The following ARHGAP35 variants were observed in gnomAD, a reference collection of about 807,000 sequenced individuals.
The protein encoded by ARHGAP35 is rho GTPase-activating protein 35.
Under a neutral mutation model 111.1 loss-of-function variants are expected in ARHGAP35, and 15 were observed. The observed-to-expected ratio is 0.13, with a 90% CI of 0.09 to 0.21. The LOEUF is 0.21. Among genes scored for constraint, ARHGAP35 ranks in the 10% least tolerant of loss-of-function variants. The pLI is 1.00. For synonymous variants in ARHGAP35, 643 were observed against 710.3 expected (o/e 0.91, Z 1.51); for missense variants, 1,262 against 1,873.0 (o/e 0.67, Z 6.02).
Position 47,000,948 on chromosome 19 carries a change from C to A in ARHGAP35, c.*260C>A. Reference sequence around the variant, plus strand: ...AGGCAGGCAATGGCTCCAGTGCCCTCCCTCTGTTCCCTGGACCACCACCCC... The same window carrying A: ...AGGCAGGCAATGGCTCCAGTGCCCTACCTCTGTTCCCTGGACCACCACCCC... On this transcript the variant is annotated 3_prime_UTR_variant, in exon 7 of 7. Coordinates refer to ENST00000672722, the MANE Select transcript of ARHGAP35 (RefSeq NM_004491.5). The surrounding 1 kb of genome is among the most constrained non-coding windows in gnomAD (Gnocchi z 6.9). The A allele has an allele frequency of 6.6e-7, 1 of 1,520,868 alleles. No individual in the cohort carries two copies. 94.2% of individuals were successfully genotyped at this position (1,520,868 alleles called of 1,614,324 possible).
chr19:46,953,573 G>A (rs530322964), intron 3 of ARHGAP35, among the ~76,000 whole-genome samples: 4 of 152,278 alleles, frequency 2.6e-5, no homozygotes, highest in Admixed American at 6.5e-5. Context: ...AACAGTCCTC[G>A]CCCTTGAGGA....
At chr19:46,929,057 T>C (rs536408415) in intron 2 of ARHGAP35, among the ~76,000 whole-genome samples, 1 of 152,290 alleles carries the variant, frequency 6.6e-6, no homozygotes, top group African/African-American at 2.4e-5. Flanking sequence ...TTCCTGTTCA[T>C]CCGTAAATAA....
rs780593260 is a variant in ARHGAP35 at position 46,921,581 on chromosome 19, A to C, written c.2906A>C (p.Asn969Thr). 7 of 1,613,880 alleles carry C rather than the reference A, an allele frequency of 4.3e-6. No homozygotes were observed. In the Admixed American group the frequency reaches 1.2e-4, roughly 27 times the overall value. ...EACSTTEEVF[N>T]SPRAGSPLCN... ...TGTAGCACCACCGAAGAGGTGTTTA[A>C]CTCCCCCCGGGCAGGATCACCGCTC... The change falls in exon 2 of 7, where the codon AAC (asparagine) becomes ACC (threonine). Residue 969 changes from asparagine to threonine, a missense_variant. Around this residue, in one of 8 missense-constraint regions of ARHGAP35, gnomAD observed 579 missense variants for 716.9 expected, o/e 0.81. Transcript: ENST00000672722. The surrounding 1 kb of genome is among the most constrained non-coding windows in gnomAD (Gnocchi z 4.3).
At chr19:46,959,373 TTTATTTTTATTTTATTTTA>T (rs957271955) in intron 3 of ARHGAP35, among the ~76,000 whole-genome samples, 4 of 149,950 alleles carry the variant, frequency 2.7e-5, no homozygotes, top group Admixed American at 2.0e-4. Flanking sequence ...CCTTTTTTTA[TTTATTTTTATTTTATTTTA>T]TTATTTTTAT....
chr19:46,866,887 G>T lies in ARHGAP35; in HGVS notation c.-189+5678G>T, dbSNP rs1320226056. Among the ~76,000 whole-genome samples the T allele has an allele frequency of 2.0e-5, 3 of 152,158 alleles. No individual in the cohort carries two copies. The South Asian group carries it at 6.2e-4, about 32-fold the overall frequency. On this transcript the variant is annotated intron_variant, in intron 1 of 6. Coordinates refer to ENST00000672722, the MANE Select transcript of ARHGAP35 (RefSeq NM_004491.5). Reference sequence around the variant, plus strand: ...AAAACCATATACCTCTTTTAAAAACGATATGGAATTTTTCAAGCTGAGTCA... The same window carrying T: ...AAAACCATATACCTCTTTTAAAAACTATATGGAATTTTTCAAGCTGAGTCA...
chr19:46,971,688 C>T (rs1011074936), intron 3 of ARHGAP35, among the ~76,000 whole-genome samples: 21 of 151,620 alleles, frequency 1.4e-4, no homozygotes, highest in Non-Finnish European at 7.4e-5. Flanking sequence ...TTAGTAGAGA[C>T]GGGGTTTCAC....
chr19:46,955,015 A>G (rs2056431640), intron 3 of ARHGAP35, among the ~76,000 whole-genome samples: 2 of 152,336 alleles, frequency 1.3e-5, no homozygotes, highest in African/African-American at 4.8e-5. Flanking sequence ...GAATCTGGGT[A>G]AATTCAAAAT....
At chr19:46,868,409 A>G (rs1231259681) in intron 1 of ARHGAP35, among the ~76,000 whole-genome samples, 1 of 152,224 alleles carries the variant, frequency 6.6e-6, no homozygotes, top group Non-Finnish European at 1.5e-5. Context: ...TAAATGTTGA[A>G]TAGACTATTC....
At chr19:46,881,184 C>T (rs1411893121) in intron 1 of ARHGAP35, among the ~76,000 whole-genome samples, 1 of 152,060 alleles carries the variant, frequency 6.6e-6, no homozygotes, top group African/African-American at 2.4e-5. Context: ...ATGTAATCCA[C>T]CCACCTCGGC....
At chr19:46,888,648 A>G (rs1335475362) in intron 1 of ARHGAP35, among the ~76,000 whole-genome samples, 2 of 151,806 alleles carry the variant, frequency 1.3e-5, no homozygotes, top group Non-Finnish European at 2.9e-5. Flanking sequence ...TTCCTGTACT[A>G]TGTGAATTTA....
chr19:46,879,286 C>G (rs1355915642), intron 1 of ARHGAP35, among the ~76,000 whole-genome samples: 1 of 151,842 alleles, frequency 6.6e-6, no homozygotes, highest in African/African-American at 2.4e-5. Context: ...GAAACCGTGT[C>G]TCTACTAAAA....
chr19:46,982,882 C>T (rs923658875), intron 3 of ARHGAP35, among the ~76,000 whole-genome samples: 7 of 151,028 alleles, frequency 4.6e-5, no homozygotes, highest in South Asian at 2.1e-4. Context: ...CCCATCTCTA[C>T]GAAAAAAAAA....
At chr19:46,888,333 TACAC>T (rs72465629) in intron 1 of ARHGAP35, among the ~76,000 whole-genome samples, 2,728 of 67,398 alleles carry the variant, frequency 0.04, 194 homozygotes, top group East Asian at 0.13. Context: ...ATTGATTTTA[TACAC>T]ACACACACAC....
At chr19:46,996,358 C>G (rs2012712052) in intron 5 of ARHGAP35, among the ~76,000 whole-genome samples, 1 of 152,174 alleles carries the variant, frequency 6.6e-6, no homozygotes, top group South Asian at 2.1e-4. Context: ...CCACCTCAGC[C>G]TCCCAAGTGC....
rs1308192608 is a variant in ARHGAP35, at chr19:46,945,650, G to C, written c.3826+8242G>C. The stretch of plus-strand genomic sequence containing the variant: ...CCTGCCCACCCGGGACGGTCTCAGC[G>C]TTCTGGAGACAGAATCCTAGTGCCC... On this transcript the variant is annotated intron_variant, in intron 3 of 6. Coordinates refer to ENST00000672722, the MANE Select transcript of ARHGAP35 (RefSeq NM_004491.5). The surrounding 1 kb of genome is among the most constrained non-coding windows in gnomAD (Gnocchi z 4.1). 1.3e-5 allele frequency among the ~76,000 whole-genome samples: 2 copies of C among 152,150 alleles called. No individual in the cohort carries two copies. Among genetic ancestry groups the C allele is most frequent in the African/African-American group, 4.8e-5 (2 of 41,432 alleles).
At position 46,986,080 on chromosome 19, in the gene ARHGAP35, C is replaced by A. The variant is rs2056648417; in HGVS notation, c.3827-1909C>A. On this transcript the variant is annotated intron_variant, in intron 3 of 6. Coordinates refer to ENST00000672722, the MANE Select transcript of ARHGAP35 (RefSeq NM_004491.5). This position sits in a 1 kb window ranked among gnomAD's most constrained non-coding sequence, Gnocchi z 4.3. ...GCACCCACAGTGCTTCCTCTGTGCA[C>A]CTTCAGCAAGACAGAGTCGCTCAAA... Among the ~76,000 whole-genome samples, 1 of 152,192 alleles carries A rather than the reference C, an allele frequency of 6.6e-6. No homozygotes were observed. The highest frequency in any genetic ancestry group is 2.1e-4 in the South Asian group (1 of 4,824).
At chr19:46,978,457 G>A (rs746970757) in intron 3 of ARHGAP35, among the ~76,000 whole-genome samples, 3 of 151,898 alleles carry the variant, frequency 2.0e-5, no homozygotes, top group Non-Finnish European at 4.4e-5. Context: ...GTGTGTGTGT[G>A]TAGTGGGGTC....
At chr19:46,991,989 T>G (rs2056681721) in intron 5 of ARHGAP35, among the ~76,000 whole-genome samples, 1 of 152,188 alleles carries the variant, frequency 6.6e-6, no homozygotes, top group Admixed American at 6.5e-5. Flanking sequence ...AGCTCCAGAA[T>G]TTCACAATAT....
chr19:46,945,182 T>C lies in ARHGAP35; in HGVS notation c.3826+7774T>C, dbSNP rs1208734998. Among the ~76,000 whole-genome samples, 2 of 151,698 alleles carry C rather than the reference T, an allele frequency of 1.3e-5. No homozygotes were observed. The highest frequency in any genetic ancestry group is 4.0e-4 in the East Asian group (2 of 5,054). ...GAAGGAGGCGGGGTTGAGGGGGAGCTTAGGAGGCGGGGTTGAGGGGGAGCT... is the reference window on the plus strand; with the variant it reads ...GAAGGAGGCGGGGTTGAGGGGGAGCCTAGGAGGCGGGGTTGAGGGGGAGCT... On this transcript the variant is annotated intron_variant, in intron 3 of 6. Transcript: ENST00000672722. The surrounding 1 kb of genome is among the most constrained non-coding windows in gnomAD (Gnocchi z 4.1).
Sources: allele counts gnomAD v4.1 joint callset (sites outside exome capture counted in the v4.1 genomes callset), GRCh38; gene constraint gnomAD v4.1.1; regional missense constraint gnomAD v4.1.1; non-coding constraint Gnocchi (gnomAD v3.1); transcripts MANE v1.5; gene names NCBI Gene and HGNC (gene_info 2026-07-23, HGNC 2026-07-21).